Variants in VCPKMT observed in about 807,000 individuals in gnomAD.
VCPKMT encodes the protein valosin containing protein lysine methyltransferase.
VCPKMT carries 32 observed loss-of-function variants against 28.6 expected under a neutral mutation model. The observed-to-expected ratio is 1.12, with a 90% CI of 0.84 to 1.50. VCPKMT has a LOEUF of 1.50. Among genes scored for constraint, VCPKMT ranks in the 40% most tolerant of loss-of-function variants. The probability of loss-of-function intolerance (pLI) is 0.00; values close to 1 mark genes in which losing one functional copy is unlikely to be tolerated. For synonymous variants in VCPKMT, 138 were observed against 111.4 expected (o/e 1.24, Z -1.50); for missense variants, 366 against 285.0 (o/e 1.28, Z -2.05).
downstream of VCPKMT, chr14:50,106,419 G>A (rs183805603): frequency 1.8e-5 from 7 of 379,276 alleles, no homozygotes; most frequent in East Asian, 8.2e-4. Context: ...TGTCCTGGCT[G>A]AGCCCCAGCT....
chr14:50,108,037 C>T (rs1348742776), downstream of VCPKMT, among the ~76,000 whole-genome samples: 1 of 151,616 alleles, frequency 6.6e-6, no homozygotes, highest in Non-Finnish European at 1.5e-5. Flanking sequence ...AAAAATACAA[C>T]AAAGCTAGCC....
In VCPKMT at chr14:50,116,051, C is replaced by A. The variant is rs1358225455; in HGVS notation, c.377+18G>T. 4.4e-6 allele frequency: 7 copies of A among 1,598,928 alleles called. No individual in the cohort carries two copies. The highest frequency in any genetic ancestry group is 5.1e-6 in the Non-Finnish European group (6 of 1,169,640). On this transcript the variant is annotated intron_variant, in intron 2 of 5. Coordinates refer to ENST00000395860, the MANE Select transcript of VCPKMT (RefSeq NM_024558.3). ...CTACAAATCAATATCTTAAAACAAG[C>A]TGAAAGGCCATACAAACCATTTCAG... is the stretch of plus-strand genomic sequence containing the variant.
chr14:50,107,686 T>C (rs1172041847), downstream of VCPKMT, among the ~76,000 whole-genome samples: 1 of 152,074 alleles, frequency 6.6e-6, no homozygotes, highest in Non-Finnish European at 1.5e-5. Flanking sequence ...AAATGATTTA[T>C]CAAGGTTAAG....
intron 5 of VCPKMT, 104 bp from the exon 6 acceptor site, chr14:50,109,817 A>T (rs887152939): frequency 2.7e-5 from 36 of 1,330,106 alleles, no homozygotes; most frequent in Non-Finnish European, 3.2e-5. Context: ...TATGCCTAGT[A>T]TAACAGTGGC....
intron 5 of VCPKMT, among the ~76,000 whole-genome samples, chr14:50,110,773 T>G (rs983275569): frequency 6.6e-6 from 1 of 152,200 alleles, no homozygotes; most frequent in African/African-American, 2.4e-5. Flanking sequence ...ATCTCATCAA[T>G]GGATGGATAA....
chr14:50,106,767 G>C (rs1026022768), downstream of VCPKMT: 4 of 365,192 alleles, frequency 1.1e-5, no homozygotes, highest in African/African-American at 6.6e-5. Context: ...CCAGGCTGGA[G>C]TGCAGTGGTG....
intron 3 of VCPKMT, among the ~76,000 whole-genome samples, chr14:50,115,158 T>TG (rs1883029723): frequency 1.6e-5 from 2 of 125,786 alleles, no homozygotes; most frequent in Admixed American, 7.6e-5. Context: ...TTTTTTTTTT[T>TG]TTTTTTTTTT....
At chr14:50,111,859 A>C (rs1882683212) in intron 5 of VCPKMT, 1 of 954,864 alleles carries the variant, frequency 1.0e-6, no homozygotes, top group Admixed American at 6.2e-5. Flanking sequence ...ACTGTACTCC[A>C]GCCTGGATGA....
intron 3 of VCPKMT, 69 bp downstream of exon 3, chr14:50,115,770 G>A (rs1374832071): frequency 4.0e-6 from 6 of 1,504,876 alleles, no homozygotes; most frequent in Non-Finnish European, 5.4e-6. Context: ...GTGAAGAAAC[G>A]TGTGCTTTAG....
In VCPKMT at chr14:50,108,688, T is replaced by C; in HGVS notation, c.*1011A>G. The C allele has an allele frequency of 6.1e-6, 6 of 985,830 alleles. No homozygotes were observed. The highest frequency in any genetic ancestry group is 7.2e-6 in the Non-Finnish European group (6 of 829,916). The allele number at this position is 985,830 out of a possible 1,614,324, so 61.1% of individuals were successfully genotyped here. On this transcript the variant is annotated 3_prime_UTR_variant, in exon 6 of 6. Coordinates refer to ENST00000395860, the MANE Select transcript of VCPKMT (RefSeq NM_024558.3). ...CATAAAATGTACCATCTAGCACCAA[T>C]GCCTATAAATACCAGAATTCCATCC...
Position 50,109,009 on chromosome 14 carries a change from G to C in VCPKMT, c.*690C>G. The C allele has an allele frequency of 1.0e-6, 1 of 985,354 alleles. No individual in the cohort carries two copies. The highest frequency in any genetic ancestry group is 1.2e-6 in the Non-Finnish European group (1 of 829,922). 61.0% of individuals were successfully genotyped at this position (985,354 alleles called of 1,614,324 possible). On this transcript the variant is annotated 3_prime_UTR_variant, in exon 6 of 6. Transcript: ENST00000395860. The stretch of plus-strand genomic sequence containing the variant: ...CATGCTCAAATGAAAAATCTGTAAA[G>C]ATATCTTTTGTTCCTCCAATCTTCT...
chr14:50,110,523 C>T (rs1030234857), intron 5 of VCPKMT, among the ~76,000 whole-genome samples: 5 of 152,164 alleles, frequency 3.3e-5, no homozygotes, highest in African/African-American at 1.2e-4. Flanking sequence ...ATCTCATACC[C>T]AGTGAGATGG....
intron 5 of VCPKMT, among the ~76,000 whole-genome samples, chr14:50,110,852 C>T (rs1422690045): frequency 6.6e-6 from 1 of 152,164 alleles, no homozygotes; most frequent in Non-Finnish European, 1.5e-5. Flanking sequence ...ATGTGTGCTA[C>T]AATGTAGATA....
At chr14:50,110,218 G>C (rs959482277) in intron 5 of VCPKMT, among the ~76,000 whole-genome samples, 4 of 152,228 alleles carry the variant, frequency 2.6e-5, no homozygotes, top group Non-Finnish European at 4.4e-5. Flanking sequence ...CTGCACTCCA[G>C]ACTGGGTGAC....
intron 5 of VCPKMT, chr14:50,111,907 A>G (rs1882686365): frequency 1.0e-6 from 1 of 984,714 alleles, no homozygotes; most frequent in African/African-American, 1.7e-5. Flanking sequence ...AAAAGGATGA[A>G]GTACAATTCT....
At chr14:50,102,855 GACC>G in the VCPKMT span, among the ~76,000 whole-genome samples, 2 of 152,144 alleles carry the variant, frequency 1.3e-5, no homozygotes, top group Non-Finnish European at 2.9e-5. Flanking sequence ...TAAAAATGAA[GACC>G]ACCTATTGAG....
rs866634522 is a variant in VCPKMT, at chr14:50,116,482, T to A, written c.71A>T (p.Asp24Val). 37 of 1,613,942 alleles carry A rather than the reference T, an allele frequency of 2.3e-5. 1 individual carries two copies. The Middle Eastern group carries it at 5.8e-3, about 252-fold the overall frequency. ...RSFVRVLEKR[D>V]GTVLRLQQYS... ...CTGCTGTAGTCGTAGCACTGTACCA[T>A]CCCGCTTCTCCAAAACTCGCACAAA... Residue 24 changes from aspartate to valine, a missense_variant, in exon 1 of 6, where the codon GAT becomes GTT. Transcript: ENST00000395860.
downstream of VCPKMT, chr14:50,106,687 G>C (rs1223393896): frequency 1.6e-5 from 16 of 971,070 alleles, no homozygotes; most frequent in Non-Finnish European, 1.8e-5. Flanking sequence ...CAAACATCTT[G>C]AATCTCTAGT....
the VCPKMT span, among the ~76,000 whole-genome samples, chr14:50,103,036 T>C: frequency 6.6e-6 from 1 of 152,214 alleles, no homozygotes; most frequent in Non-Finnish European, 1.5e-5. Context: ...CTTAAAACAT[T>C]ATAAGATTTT....
Sources: allele counts gnomAD v4.1 joint callset (sites outside exome capture counted in the v4.1 genomes callset), GRCh38; gene constraint gnomAD v4.1.1; transcripts MANE v1.5; gene names NCBI Gene and HGNC (gene_info 2026-07-23, HGNC 2026-07-21).